The following TUBA4A variants were observed in gnomAD, a reference collection of about 807,000 sequenced individuals.
TUBA4A encodes the protein tubulin alpha 4a.
TUBA4A carries 23 observed loss-of-function variants against 34.3 expected under a neutral mutation model. The observed-to-expected ratio is 0.67, with a 90% CI of 0.48 to 0.95. TUBA4A has a LOEUF of 0.95. TUBA4A is among the 40% of genes least tolerant of loss of function. TUBA4A has a pLI of 0.00. For missense variants in TUBA4A, 279 were observed against 599.0 expected (o/e 0.47, Z 5.58); for synonymous variants, 216 against 230.5 (o/e 0.94, Z 0.57).
At chr2:219,253,290 C>T in intron 1 of TUBA4A, 4 of 1,508,810 alleles carry the variant, frequency 2.7e-6, no homozygotes, top group African/African-American at 1.4e-5. Flanking sequence ...AGGGCCAGCT[C>T]GCTTCAGGAG....
At chr2:219,253,149 C>A (rs968042419) in intron 1 of TUBA4A, 2 of 1,519,304 alleles carry the variant, frequency 1.3e-6, no homozygotes, top group Non-Finnish European at 1.8e-6. Context: ...TGGGTTTCGG[C>A]CCCCGCTCCT....
chr2:219,254,134 C>G, upstream of TUBA4A: 1 of 387,616 alleles, frequency 2.6e-6, no homozygotes, highest in Non-Finnish European at 4.6e-6. Flanking sequence ...CGGGCTTTAA[C>G]CATTCTTTCC....
At chr2:219,253,125 C>A (rs1157547880) in intron 1 of TUBA4A, 1 of 1,498,664 alleles carries the variant, frequency 6.7e-7, no homozygotes, top group Non-Finnish European at 9.0e-7. Flanking sequence ...TATTTCCCAG[C>A]CCAAAGCGGG....
chr2:219,250,621 G>T lies in TUBA4A; in HGVS notation c.1078C>A (p.Pro360Thr). The change falls in exon 4 of 4, where the codon CCC becomes ACC. Residue 360 changes from proline to threonine, a missense_variant. Pro to Thr is a conservative substitution (Grantham distance 38, BLOSUM62 -1). Coordinates refer to ENST00000248437, the MANE Select transcript of TUBA4A (RefSeq NM_006000.3). The surrounding 1 kb of genome is among the most constrained non-coding windows in gnomAD (Gnocchi z 8.4). ...GFKVGINYQP[P>T]TVVPGGDLAK... ...AGGTCACCCCCAGGCACCACAGTGG[G>T]AGGCTGGTAGTTGATACCAACCTTG... 1 of 1,614,256 alleles carries T rather than the reference G, an allele frequency of 6.2e-7. No individual in the cohort carries two copies. The highest frequency in any genetic ancestry group is 1.6e-4 in the Middle Eastern group (1 of 6,062).
chr2:219,252,203 G>A lies in TUBA4A; in HGVS notation c.31C>T (p.Gln11Ter). The A allele has an allele frequency of 1.9e-6, 3 of 1,614,036 alleles. No individual in the cohort carries two copies. The highest frequency in any genetic ancestry group is 2.5e-6 in the Non-Finnish European group (3 of 1,179,906). ...GCATTGCCCATCTGGACACCTGCCT[G>A]CCCCACGTGGACTGAGATGCATTCA... MRECISVHVG[Q>*]AGVQMGNACW... Residue 11 changes from glutamine (Q) to a stop codon, truncating the protein, a stop_gained, in exon 2 of 4, where the codon CAG becomes TAG. Coordinates refer to ENST00000248437, the MANE Select transcript of TUBA4A (RefSeq NM_006000.3). LOFTEE classifies it high-confidence loss of function. This position sits in a 1 kb window ranked among gnomAD's most constrained non-coding sequence, Gnocchi z 4.1.
chr2:219,253,349 A>T (rs1951679497), intron 1 of TUBA4A: 6 of 1,523,830 alleles, frequency 3.9e-6, no homozygotes, highest in African/African-American at 1.5e-5. Flanking sequence ...CGGGGTGCTG[A>T]GTCACGGGGG....
Position 219,250,011 on chromosome 2 carries a change from A to G in TUBA4A, c.*341T>C. The G allele has an allele frequency of 4.2e-6, 1 of 237,522 alleles. No individual in the cohort carries two copies. The highest frequency in any genetic ancestry group is 7.5e-5 in the South Asian group (1 of 13,270). The allele number at this position is 237,522 out of a possible 1,614,324, so 14.7% of individuals were successfully genotyped here. On this transcript the variant is annotated 3_prime_UTR_variant, in exon 4 of 4. Coordinates refer to ENST00000248437, the MANE Select transcript of TUBA4A (RefSeq NM_006000.3). This position sits in a 1 kb window ranked among gnomAD's most constrained non-coding sequence, Gnocchi z 8.4. ...AGTCTAACTTTCAAAGACAGAAACCACTGGATTATACTCCTACTTGGAAAG... is the reference window on the plus strand; with the variant it reads ...AGTCTAACTTTCAAAGACAGAAACCGCTGGATTATACTCCTACTTGGAAAG...
chr2:219,249,786 C>A lies in TUBA4A; in HGVS notation c.*566G>T. 1 of 153,816 alleles carries A rather than the reference C, an allele frequency of 6.5e-6. No individual in the cohort carries two copies. 9.5% of individuals were successfully genotyped at this position (153,816 alleles called of 1,614,324 possible). On this transcript the variant is annotated 3_prime_UTR_variant, in exon 4 of 4. Coordinates refer to ENST00000248437, the MANE Select transcript of TUBA4A (RefSeq NM_006000.3). ...AGACAGGAAGCTATGCAAAGCTGCTCAGAGGTGCAGTGGCACAAACAACTC... is the reference window on the plus strand; with the variant it reads ...AGACAGGAAGCTATGCAAAGCTGCTAAGAGGTGCAGTGGCACAAACAACTC...
At chr2:219,253,938 CGCCCTTATAG>C, upstream of TUBA4A, 1 of 1,140,836 alleles carries the variant, frequency 8.8e-7, no homozygotes, top group Non-Finnish European at 1.1e-6. Context: ...AGTGCCGCAC[CGCCCTTATAG>C]GCGGGGGGGG....
upstream of TUBA4A, chr2:219,254,060 T>G (rs2071385): frequency 0.13 from 62,392 of 476,568 alleles, 5,563 homozygotes; most frequent in African/African-American, 0.32. Flanking sequence ...GAGCCTGGCC[T>G]GGTACCCTCC....
Position 219,252,677 on chromosome 2 carries a change from A to T in TUBA4A, c.4-447T>A. The T allele has an allele frequency of 4.6e-6, 2 of 435,644 alleles. No individual in the cohort carries two copies. Among genetic ancestry groups the T allele is most frequent in the East Asian group, 1.4e-4 (2 of 13,842 alleles). The allele number at this position is 435,644 out of a possible 1,614,324, so 27.0% of individuals were successfully genotyped here. On this transcript the variant is annotated intron_variant, in intron 1 of 3. Coordinates refer to ENST00000248437, the MANE Select transcript of TUBA4A (RefSeq NM_006000.3). The surrounding 1 kb of genome is among the most constrained non-coding windows in gnomAD (Gnocchi z 4.1). ...TGGCATCAACTGACCACACGCCATC[A>T]GGATGCCCTCCTCCCTCACCTTTAA...
chr2:219,250,090 C>A lies in TUBA4A; in HGVS notation c.*262G>T. On this transcript the variant is annotated 3_prime_UTR_variant, in exon 4 of 4. Transcript: ENST00000248437. This position sits in a 1 kb window ranked among gnomAD's most constrained non-coding sequence, Gnocchi z 8.4. ...GTGCCTGGATTTTGGTCCTCATTTC[C>A]TCCCTATACTGAGTAACCCTAGGAC... 1 of 466,802 alleles carries A rather than the reference C, an allele frequency of 2.1e-6. No homozygotes were observed. Among genetic ancestry groups the A allele is most frequent in the Non-Finnish European group, 3.8e-6 (1 of 262,774 alleles). The allele number at this position is 466,802 out of a possible 1,614,324, so 28.9% of individuals were successfully genotyped here.
Position 219,250,473 on chromosome 2 carries a change from A to G in TUBA4A, c.1226T>C (p.Val409Ala). The change falls in exon 4 of 4, where the codon GTG (valine) becomes GCG (alanine). Residue 409 changes from valine (V) to alanine (A), a missense_variant. Transcript: ENST00000248437. The surrounding 1 kb of genome is among the most constrained non-coding windows in gnomAD (Gnocchi z 8.4). ...YAKRAFVHWY[V>A]GEGMEEGEFS... is the part of the protein sequence containing the mutation. ...CTCACCCTCCTCCATGCCCTCACCC[A>G]CATACCAGTGCACAAACGCCCTCTT... 6.2e-7 allele frequency: 1 copy of G among 1,614,066 alleles called. No individual in the cohort carries two copies. The highest frequency in any genetic ancestry group is 1.1e-5 in the South Asian group (1 of 91,076).
intron 1 of TUBA4A, chr2:219,253,235 C>G: frequency 6.7e-7 from 1 of 1,494,236 alleles, no homozygotes; most frequent in Non-Finnish European, 8.9e-7. Flanking sequence ...CAGTGCTCAG[C>G]GCCAGCTGTC....
At position 219,250,318 on chromosome 2, in the gene TUBA4A, A is replaced by G. The variant is rs747310177; in HGVS notation, c.*34T>C. On this transcript the variant is annotated 3_prime_UTR_variant, in exon 4 of 4. Coordinates refer to ENST00000248437, the MANE Select transcript of TUBA4A (RefSeq NM_006000.3). This position sits in a 1 kb window ranked among gnomAD's most constrained non-coding sequence, Gnocchi z 8.4. Reference sequence around the variant, plus strand: ...ACTGTTTATTTCGAAAGGATTTTGCAATAAACATAGTGAATAGGCTCCAGG... The same window carrying G: ...ACTGTTTATTTCGAAAGGATTTTGCGATAAACATAGTGAATAGGCTCCAGG... The G allele has an allele frequency of 1.9e-6, 3 of 1,570,644 alleles. No individual in the cohort carries two copies. The African/African-American group carries it at 4.1e-5, about 21-fold the overall frequency.
chr2:219,253,912 G>A lies in TUBA4A; in HGVS notation c.-54C>T. 3 of 1,370,266 alleles carry A rather than the reference G, an allele frequency of 2.2e-6. No individual in the cohort carries two copies. Among genetic ancestry groups the A allele is most frequent in the Non-Finnish European group, 2.9e-6 (3 of 1,051,626 alleles). 84.9% of individuals were successfully genotyped at this position (1,370,266 alleles called of 1,614,324 possible). ...GAGTCGGGGTGACAGGTCTCAGTGA[G>A]AACTGCGCTAGCTGCAGTGCCGCAC... On this transcript the variant is annotated 5_prime_UTR_variant, in exon 1 of 4. Coordinates refer to ENST00000248437, the MANE Select transcript of TUBA4A (RefSeq NM_006000.3).
rs370821428 is a variant in TUBA4A at position 219,253,368 on chromosome 2, T to G, written c.3+488A>C. 0.029 allele frequency: 44,514 copies of G among 1,529,366 alleles called. 752 individuals carry two copies. The highest frequency in any genetic ancestry group is 0.034 in the Non-Finnish European group (38,678 of 1,144,216). 94.7% of individuals were successfully genotyped at this position (1,529,366 alleles called of 1,614,324 possible). On this transcript the variant is annotated intron_variant, in intron 1 of 3. Transcript: ENST00000248437. ...GTGCTGAGTCACGGGGGGGGGGTGG[T>G]TCTGTGGATAGTTGGAATGCATACA...
chr2:219,254,029 A>T (rs1951694601), upstream of TUBA4A: 1 of 607,272 alleles, frequency 1.6e-6, no homozygotes, highest in African/African-American at 1.9e-5. Flanking sequence ...CCGGGAGGGT[A>T]AGCGGCCCCC....
Position 219,252,920 on chromosome 2 carries a change from C to T in TUBA4A, c.4-690G>A, listed in dbSNP as rs1574886503. 1 of 478,354 alleles carries T rather than the reference C, an allele frequency of 2.1e-6. No individual in the cohort carries two copies. 29.6% of individuals were successfully genotyped at this position (478,354 alleles called of 1,614,324 possible). A position where few individuals can be genotyped will look rare whatever the true frequency, so the allele number is the denominator to read the frequency against. On this transcript the variant is annotated intron_variant, in intron 1 of 3. Transcript: ENST00000248437. The surrounding 1 kb of genome is among the most constrained non-coding windows in gnomAD (Gnocchi z 4.1). ...CCGTCCCTGTCAGCCCGAAATTAAC[C>T]CCTAAAGCACTAAAGTCCGGCAGGG...
Sources: allele counts gnomAD v4.1 joint callset, GRCh38; gene constraint gnomAD v4.1.1; non-coding constraint Gnocchi (gnomAD v3.1); transcripts MANE v1.5; gene names NCBI Gene and HGNC (gene_info 2026-07-23, HGNC 2026-07-21).